The following KIF5B variants were observed in gnomAD, a reference collection of about 807,000 sequenced individuals.
KIF5B encodes the protein kinesin-1 heavy chain.
A neutral mutation model predicts 132.8 loss-of-function variants in KIF5B; 49 were observed. The observed-to-expected ratio is 0.37, with a 90% CI of 0.29 to 0.47. The LOEUF is 0.47. KIF5B is among the 20% of genes least tolerant of loss of function. The probability of loss-of-function intolerance (pLI) is 1.00; values close to 1 mark genes in which losing one functional copy is unlikely to be tolerated. For synonymous variants in KIF5B, 355 were observed against 369.4 expected (o/e 0.96, Z 0.45); for missense variants, 780 against 1,144.0 (o/e 0.68, Z 4.59).
intron 20 of KIF5B, 92 bp from the exon 21 acceptor site, chr10:32,018,654 G>T: frequency 2.1e-6 from 2 of 938,826 alleles, no homozygotes; most frequent in Non-Finnish European, 1.6e-6. Flanking sequence ...GTGTCTGAAA[G>T]GATAAATTCT....
At chr10:32,040,541 G>A in intron 2 of KIF5B, 84 bp from the exon 3 acceptor site, 1 of 751,676 alleles carries the variant, frequency 1.3e-6, no homozygotes, top group Admixed American at 2.4e-5. Context: ...GGATGACAGG[G>A]TAGAGAAAAG....
Position 32,017,353 on chromosome 10 carries a change from G to A in KIF5B, c.2551C>T (p.Arg851Cys). The A allele has an allele frequency of 2.5e-6, 4 of 1,612,348 alleles. No homozygotes were observed. Among genetic ancestry groups the A allele is most frequent in the Non-Finnish European group, 3.4e-6 (4 of 1,178,670 alleles). Residue 851 changes from arginine to cysteine, a missense_variant, in exon 24 of 26, where the codon CGT becomes TGT. By Grantham distance (180) the Arg-to-Cys change is radical. This residue lies in a region of KIF5B where 32 missense variants were observed against 71.1 expected (regional missense o/e 0.45). Coordinates refer to ENST00000302418, the MANE Select transcript of KIF5B (RefSeq NM_004521.3). ...TCACAGCGGAGATCTGCATTATCAC[G>A]TACCAACTAAACGTACACAAAGAAA... ...QLTKVHKQLV[R>C]DNADLRCELP... is the part of the protein sequence containing the mutation.
chr10:32,042,148 G>A (rs1841549821), intron 2 of KIF5B, among the ~76,000 whole-genome samples: 1 of 151,752 alleles, frequency 6.6e-6, no homozygotes, highest in South Asian at 2.1e-4. Flanking sequence ...ATATAACAGT[G>A]AAAAGTAAAC....
rs746325816 is a variant in KIF5B, at chr10:32,022,827, A to C, written c.1914+21T>G. On this transcript the variant is annotated intron_variant, in intron 16 of 25. Coordinates refer to ENST00000302418, the MANE Select transcript of KIF5B (RefSeq NM_004521.3). ...ATGTGGCTGTTTCAAAAAAATGAATAAACTTTGTTCTATAACATACTTGAG... is the reference window on the plus strand; with the variant it reads ...ATGTGGCTGTTTCAAAAAAATGAATCAACTTTGTTCTATAACATACTTGAG... The C allele has an allele frequency of 2.0e-6, 3 of 1,475,918 alleles. No individual in the cohort carries two copies. The South Asian group carries it at 4.3e-5, about 21-fold the overall frequency. 91.4% of individuals were successfully genotyped at this position (1,475,918 alleles called of 1,614,324 possible). A position where few individuals can be genotyped will look rare whatever the true frequency, so the allele number is the denominator to read the frequency against.
Position 32,017,355 on chromosome 10 carries a change from A to G in KIF5B, c.2549T>C (p.Val850Ala). 6.2e-7 allele frequency: 1 copy of G among 1,612,412 alleles called. No homozygotes were observed. The highest frequency in any genetic ancestry group is 8.5e-7 in the Non-Finnish European group (1 of 1,178,694). Residue 850 changes from valine (V) to alanine (A), a missense_variant, in exon 24 of 26, where the codon GTA (valine) becomes GCA (alanine). By Grantham distance (64) the Val-to-Ala change is moderately conservative. Transcript: ENST00000302418. ...ACAGCGGAGATCTGCATTATCACGT[A>G]CCAACTAAACGTACACAAAGAAAAC... ...EQLTKVHKQLVRDNADLRCEL... is the reference protein window; with the variant it reads ...EQLTKVHKQLARDNADLRCEL...
chr10:32,051,534 CACT>C (rs1293682536), intron 1 of KIF5B, among the ~76,000 whole-genome samples: 1 of 152,122 alleles, frequency 6.6e-6, no homozygotes, highest in Non-Finnish European at 1.5e-5. Flanking sequence ...TATAAACTAC[CACT>C]ACAACCTTAC....
chr10:32,054,603 T>C (rs1025420921), intron 1 of KIF5B, among the ~76,000 whole-genome samples: 1 of 152,214 alleles, frequency 6.6e-6, no homozygotes, highest in Non-Finnish European at 1.5e-5. Flanking sequence ...CCAAATTAAA[T>C]AGCCCCAATA....
At chr10:32,012,070 G>C (rs981344639) in intron 25 of KIF5B, among the ~76,000 whole-genome samples, 5 of 152,186 alleles carry the variant, frequency 3.3e-5, no homozygotes, top group African/African-American at 1.2e-4. Flanking sequence ...AAAGTACTAT[G>C]CAAGGCAGAA....
chr10:32,031,007 A>T, intron 14 of KIF5B, 66 bp downstream of exon 14: 1 of 1,104,300 alleles, frequency 9.1e-7, no homozygotes, highest in Non-Finnish European at 1.3e-6. Context: ...TAAGTTATTT[A>T]AGTAGTTTTT....
intron 2 of KIF5B, among the ~76,000 whole-genome samples, chr10:32,041,143 C>G (rs901669863): frequency 3.8e-5 from 4 of 104,014 alleles, no homozygotes; most frequent in African/African-American, 1.5e-4. Context: ...GAGACTCTGT[C>G]TCAAAAAAAA....
rs1300610092 is a variant in KIF5B at position 32,022,968 on chromosome 10, C to T, written c.1794G>A (p.Lys598=). The change falls in exon 16 of 26, where the codon AAG becomes AAA. Residue 598 remains lysine, a synonymous_variant. Transcript: ENST00000302418. ...TVARLYISKM[K]SEVKTMVKRC... is the part of the protein sequence containing the mutation. ...GTTTCACCATGGTTTTTACTTCTGACTTCATTTTGCTAATGTAGAGTCTTG... is the reference window on the plus strand; with the variant it reads ...GTTTCACCATGGTTTTTACTTCTGATTTCATTTTGCTAATGTAGAGTCTTG... 6.2e-7 allele frequency: 1 copy of T among 1,613,482 alleles called. No homozygotes were observed. The highest frequency in any genetic ancestry group is 1.1e-5 in the South Asian group (1 of 91,032).
Position 32,017,249 on chromosome 10 carries a change from T to C in KIF5B, c.2655A>G (p.Lys885=), listed in dbSNP as rs761519908. The change falls in exon 24 of 26, where the codon AAA becomes AAG. Residue 885 remains lysine (K), a synonymous_variant. Coordinates refer to ENST00000302418, the MANE Select transcript of KIF5B (RefSeq NM_004521.3). ...GTTTGCGATCACGAGATGCATTTTCTTTAGCTTCTTTCAGTGCTGATTCCA... is the reference window on the plus strand; with the variant it reads ...GTTTGCGATCACGAGATGCATTTTCCTTAGCTTCTTTCAGTGCTGATTCCA... ...KALESALKEA[K]ENASRDRKRY... 4 of 1,614,238 alleles carry C rather than the reference T, an allele frequency of 2.5e-6. No individual in the cohort carries two copies.
intron 1 of KIF5B, among the ~76,000 whole-genome samples, chr10:32,053,118 A>T (rs1841714241): frequency 6.6e-6 from 1 of 152,232 alleles, no homozygotes; most frequent in Non-Finnish European, 1.5e-5. Context: ...TAAATGCTGC[A>T]TTGCAGCAAT....
intron 2 of KIF5B, 56 bp downstream of exon 2, chr10:32,048,408 G>T: frequency 8.4e-7 from 1 of 1,191,890 alleles, no homozygotes; most frequent in Non-Finnish European, 1.2e-6. Context: ...AAGTAGAAAA[G>T]ATCACAAACT....
At chr10:32,021,741 G>A (rs1841266533) in intron 17 of KIF5B, among the ~76,000 whole-genome samples, 1 of 152,126 alleles carries the variant, frequency 6.6e-6, no homozygotes. Flanking sequence ...GGGAGGCCAA[G>A]GCAGGCAGAT....
At chr10:32,023,946 A>G (rs1304628161) in intron 15 of KIF5B, among the ~76,000 whole-genome samples, 2 of 151,828 alleles carry the variant, frequency 1.3e-5, no homozygotes, top group East Asian at 3.9e-4. Context: ...TTTGGTGACA[A>G]GTTTTTAAAT....
chr10:32,043,157 C>T (rs1841563658), intron 2 of KIF5B, among the ~76,000 whole-genome samples: 1 of 152,160 alleles, frequency 6.6e-6, no homozygotes. Flanking sequence ...GCATGTGCTA[C>T]CATGCCCGGC....
intron 25 of KIF5B, among the ~76,000 whole-genome samples, chr10:32,014,451 T>G (rs1841130874): frequency 6.6e-6 from 1 of 151,756 alleles, no homozygotes; most frequent in African/African-American, 2.4e-5. Context: ...AAAAGCAGGC[T>G]CCGAAGCAGC....
intron 5 of KIF5B, 110 bp downstream of exon 5, chr10:32,038,668 C>T (rs1487466642): frequency 7.1e-6 from 5 of 707,656 alleles, no homozygotes; most frequent in Non-Finnish European, 1.2e-5. Context: ...TGTCTATTTC[C>T]AATAACTTAA....
Sources: gnomAD v4.1 joint callset for allele counts (sites outside exome capture counted in the v4.1 genomes callset) on GRCh38, gnomAD v4.1.1 for gene constraint, gnomAD v4.1.1 regional missense constraint, MANE v1.5 for transcripts, NCBI Gene and HGNC (gene_info 2026-07-23, HGNC 2026-07-21) for gene names.